Variants in TRIQK observed in about 807,000 individuals in gnomAD.
TRIQK encodes triple QxxK/R motif-containing protein.
Under a neutral mutation model 10.8 loss-of-function variants are expected in TRIQK, and 10 were observed. The ratio of observed to expected loss-of-function variants is 0.92; its 90% confidence interval spans 0.57 to 1.57. TRIQK has a LOEUF of 1.57. Among genes scored for constraint, TRIQK ranks in the 40% most tolerant of loss-of-function variants. The pLI is 0.00. For synonymous variants in TRIQK, 33 were observed against 33.7 expected, an observed-to-expected ratio of 0.98 and a Z score of 0.07; for missense variants, 107 against 97.7, an observed-to-expected ratio of 1.09 and a Z score of -0.40.
intron 3 of TRIQK, among the ~76,000 whole-genome samples, chr8:92,893,326 CAT>C (rs763947139): frequency 6.6e-6 from 1 of 151,972 alleles, no homozygotes; most frequent in Non-Finnish European, 1.5e-5. Context: ...CCATTAGACA[CAT>C]AAAAGTGTTT....
At chr8:92,936,289 G>A (rs1810985201) in intron 2 of TRIQK, among the ~76,000 whole-genome samples, 1 of 151,536 alleles carries the variant, frequency 6.6e-6, no homozygotes, top group South Asian at 2.1e-4. Flanking sequence ...ATGAAGCTGG[G>A]CTAATCACAA....
chr8:92,891,912 A>T, intron 4 of TRIQK, 77 bp downstream of exon 4: 2 of 1,011,818 alleles, frequency 2.0e-6, no homozygotes, highest in Non-Finnish European at 2.8e-6. Flanking sequence ...TTAGAATTCA[A>T]CATTTATGCA....
chr8:93,008,865 A>T (rs1366737140), intron 1 of TRIQK, among the ~76,000 whole-genome samples: 1 of 152,252 alleles, frequency 6.6e-6, no homozygotes, highest in African/African-American at 2.4e-5. Flanking sequence ...TAATGCTTGG[A>T]ACCATGAAGC....
At chr8:92,905,061 AG>A (rs1809178286) in intron 3 of TRIQK, among the ~76,000 whole-genome samples, 1 of 152,214 alleles carries the variant, frequency 6.6e-6, no homozygotes, top group African/African-American at 2.4e-5. Context: ...CTCTTCTACT[AG>A]GTATATGTTG....
rs781492475 is a variant in TRIQK at position 92,885,005 on chromosome 8, C to T, written c.*1617G>A. ...AATGCTGCAACCTTTCCTAAAAATG[C>T]CACTTGGATTGGTCCGCTGTGGTGA... On this transcript the variant is annotated 3_prime_UTR_variant, in exon 5 of 5. Transcript: ENST00000521988. 38 of 455,948 alleles carry T rather than the reference C, an allele frequency of 8.3e-5. No individual in the cohort carries two copies. The highest frequency in any genetic ancestry group is 1.5e-4 in the Non-Finnish European group (35 of 226,684). 28.2% of individuals were successfully genotyped at this position (455,948 alleles called of 1,614,324 possible).
At chr8:93,001,430 G>C (rs869069638) in intron 1 of TRIQK, among the ~76,000 whole-genome samples, 3 of 151,904 alleles carry the variant, frequency 2.0e-5, no homozygotes, top group Non-Finnish European at 4.4e-5. Flanking sequence ...TGAAAATGAA[G>C]CTGTTGAAAA....
At chr8:92,988,853 T>C (rs554993164) in intron 1 of TRIQK, among the ~76,000 whole-genome samples, 1 of 152,336 alleles carries the variant, frequency 6.6e-6, no homozygotes, top group South Asian at 2.1e-4. Context: ...AAATATATAT[T>C]GAACTGCATA....
At chr8:92,904,031 A>G (rs1809107985) in intron 3 of TRIQK, among the ~76,000 whole-genome samples, 1 of 152,148 alleles carries the variant, frequency 6.6e-6, no homozygotes, top group Non-Finnish European at 1.5e-5. Context: ...TGAAGTTAGC[A>G]AAGAAGCCAT....
At chr8:92,920,046 G>A (rs1338990198) in intron 2 of TRIQK, among the ~76,000 whole-genome samples, 8 of 151,458 alleles carry the variant, frequency 5.3e-5, no homozygotes, top group Admixed American at 2.0e-4. Flanking sequence ...GCAAAGGTTT[G>A]TTAATTCTAC....
intron 3 of TRIQK, among the ~76,000 whole-genome samples, chr8:92,892,644 G>T (rs1816823231): frequency 6.6e-6 from 1 of 151,754 alleles, no homozygotes; most frequent in Admixed American, 6.6e-5. Flanking sequence ...TCTTAATAGA[G>T]AACAAAATTA....
intron 1 of TRIQK, among the ~76,000 whole-genome samples, chr8:93,002,408 A>T (rs755249126): frequency 1.3e-4 from 20 of 152,184 alleles, no homozygotes; most frequent in Non-Finnish European, 2.6e-4. Flanking sequence ...AAAATCAGAG[A>T]TAAAAATAAA....
chr8:92,958,295 A>T (rs1188232251), intron 1 of TRIQK, among the ~76,000 whole-genome samples: 4 of 152,072 alleles, frequency 2.6e-5, no homozygotes, highest in African/African-American at 9.6e-5. Flanking sequence ...ACTTGAATTC[A>T]TAGGCACCCT....
upstream of TRIQK, chr8:92,966,223 G>T (rs996582728): frequency 2.0e-5 from 3 of 152,270 alleles, no homozygotes; most frequent in African/African-American, 7.2e-5. Context: ...TCTGTACGCC[G>T]GTCCAGGACG....
At chr8:92,904,323 C>T (rs145341705) in intron 3 of TRIQK, among the ~76,000 whole-genome samples, 1 of 152,138 alleles carries the variant, frequency 6.6e-6, no homozygotes, top group Non-Finnish European at 1.5e-5. Flanking sequence ...CTATTACTCC[C>T]TTTCTTTACT....
At chr8:92,957,663 C>T (rs537306023) in intron 1 of TRIQK, among the ~76,000 whole-genome samples, 1 of 151,978 alleles carries the variant, frequency 6.6e-6, no homozygotes, top group South Asian at 2.1e-4. Context: ...CTCAAACTTT[C>T]ATAAAGTTTT....
intron 2 of TRIQK, among the ~76,000 whole-genome samples, chr8:92,934,809 T>C (rs1255481513): frequency 6.6e-6 from 1 of 151,724 alleles, no homozygotes; most frequent in Non-Finnish European, 1.5e-5. Flanking sequence ...ACTAGAGAAA[T>C]ACAATAAAGA....
chr8:92,920,999 T>C (rs1032584088), intron 2 of TRIQK, among the ~76,000 whole-genome samples: 18 of 151,582 alleles, frequency 1.2e-4, no homozygotes, highest in African/African-American at 4.4e-4. Flanking sequence ...TCTATTTCAG[T>C]ATAGTGGATC....
intron 1 of TRIQK, among the ~76,000 whole-genome samples, chr8:93,004,411 G>A (rs946773494): frequency 2.0e-5 from 3 of 152,212 alleles, no homozygotes; most frequent in Non-Finnish European, 2.9e-5. Context: ...CTTGGCCCAC[G>A]AAACAATGTT....
intron 3 of TRIQK, among the ~76,000 whole-genome samples, chr8:92,896,331 G>A (rs556188634): frequency 2.6e-5 from 4 of 152,304 alleles, no homozygotes; most frequent in Admixed American, 2.6e-4. Context: ...ATGAGCTGTG[G>A]GGCCATGGAG....
Sources: allele counts gnomAD v4.1 joint callset (sites outside exome capture counted in the v4.1 genomes callset), GRCh38; gene constraint gnomAD v4.1.1; transcripts MANE v1.5; gene names NCBI Gene and HGNC (gene_info 2026-07-23, HGNC 2026-07-21).